Variants in MYOC observed in about 807,000 individuals in gnomAD.
MYOC encodes the protein myocilin.
Under a neutral mutation model 28.2 loss-of-function variants are expected in MYOC, and 29 were observed. That is an observed-to-expected ratio of 1.03 (90% CI 0.77 to 1.40). The LOEUF (loss-of-function observed/expected upper bound fraction) is 1.40. Ranked by LOEUF, MYOC falls within the 40% of genes most tolerant of loss-of-function variation. The pLI is 0.00. For synonymous variants in MYOC, 240 were observed against 245.6 expected (o/e 0.98, Z 0.21); for missense variants, 569 against 620.6 (o/e 0.92, Z 0.88).
At chr1:171,651,205 C>T (rs891760441) in intron 1 of MYOC, among the ~76,000 whole-genome samples, 1 of 152,180 alleles carries the variant, frequency 6.6e-6, no homozygotes, top group Non-Finnish European at 1.5e-5. Flanking sequence ...TGTCCAACAA[C>T]TGGATTTGCT....
At chr1:171,641,820 G>A (rs1401032342) in intron 1 of MYOC, among the ~76,000 whole-genome samples, 1 of 152,092 alleles carries the variant, frequency 6.6e-6, no homozygotes, top group East Asian at 1.9e-4. Context: ...AGGCCGGAGC[G>A]CCTACACAGC....
chr1:171,651,866 G>C, intron 1 of MYOC, 142 bp downstream of exon 1: 1 of 1,214,314 alleles, frequency 8.2e-7, no homozygotes, highest in African/African-American at 1.5e-5. Context: ...TGATCGCTGT[G>C]CTTTCCTTAA....
At chr1:171,650,516 T>C (rs1653329227) in intron 1 of MYOC, among the ~76,000 whole-genome samples, 1 of 152,196 alleles carries the variant, frequency 6.6e-6, no homozygotes, top group Non-Finnish European at 1.5e-5. Context: ...CCACAAAAAT[T>C]ATTCACAGCA....
chr1:171,639,252 G>A (rs139047056), intron 1 of MYOC, among the ~76,000 whole-genome samples: 74 of 152,246 alleles, frequency 4.9e-4, no homozygotes, highest in African/African-American at 1.8e-3. Context: ...GGCTACATTG[G>A]AGTTCATTGT....
intron 2 of MYOC, 51 bp downstream of exon 2, chr1:171,638,546 A>G: frequency 1.9e-6 from 3 of 1,608,478 alleles, no homozygotes; most frequent in Non-Finnish European, 2.6e-6. Flanking sequence ...ACAGCACTAG[A>G]CATGAATAAA....
At chr1:171,637,788 T>G (rs749828630) in intron 2 of MYOC, among the ~76,000 whole-genome samples, 2 of 152,044 alleles carry the variant, frequency 1.3e-5, no homozygotes, top group Non-Finnish European at 2.9e-5. Flanking sequence ...AATTTTTGTA[T>G]TTTTAGTAGA....
intron 1 of MYOC, among the ~76,000 whole-genome samples, chr1:171,650,723 A>T (rs1051531829): frequency 5.3e-5 from 8 of 152,242 alleles, no homozygotes; most frequent in African/African-American, 1.9e-4. Context: ...AGAAAAACTG[A>T]AAGAATAGTA....
chr1:171,652,458 T>A lies in MYOC; in HGVS notation c.154A>T (p.Ser52Cys), dbSNP rs748675180. ...CTGGATTCATTGGGACTGGCCACAC[T>A]GAAGGTATACTGGCATCGGCCACTC... The part of the protein sequence containing the change: ...DQSGRCQYTF[S>C]VASPNESSCP... Residue 52 changes from serine (S) to cysteine (C), a missense_variant, in exon 1 of 3, where the codon AGT becomes TGT. Ser to Cys is a moderately radical substitution (Grantham distance 112). Transcript: ENST00000037502. The A allele has an allele frequency of 4.3e-6, 7 of 1,614,232 alleles. No homozygotes were observed. Among genetic ancestry groups the A allele is most frequent in the South Asian group, 1.1e-5 (1 of 91,084 alleles).
intron 1 of MYOC, among the ~76,000 whole-genome samples, chr1:171,639,946 GAAAAAAA>G (rs1175117891): frequency 3.4e-3 from 161 of 46,972 alleles, no homozygotes; most frequent in African/African-American, 0.012. Context: ...TCTGTCTCAA[GAAAAAAA>G]AAAAAAAAAA....
chr1:171,635,598 A>G lies in MYOC; in HGVS notation c.*327T>C. The G allele has an allele frequency of 2.2e-6, 1 of 453,140 alleles. No individual in the cohort carries two copies. The highest frequency in any genetic ancestry group is 4.1e-6 in the Non-Finnish European group (1 of 246,596). 28.1% of individuals were successfully genotyped at this position (453,140 alleles called of 1,614,324 possible). ...TATTGTGGCTTGTGGTAACCATGTA[A>G]CATGCAAGAGCAATGGTTTTCAGGA... On this transcript the variant is annotated 3_prime_UTR_variant, in exon 3 of 3. Transcript: ENST00000037502.
At chr1:171,642,887 TTAAAAA>T (rs1653111650) in intron 1 of MYOC, among the ~76,000 whole-genome samples, 1 of 126,142 alleles carries the variant, frequency 7.9e-6, no homozygotes, top group Admixed American at 7.9e-5. Flanking sequence ...TAGTCTATGT[TTAAAAA>T]AAAAAAAAAA....
In MYOC at chr1:171,638,663, C is replaced by T. The variant is rs529138303; in HGVS notation, c.664G>A (p.Val222Ile). Residue 222 changes from valine (V) to isoleucine (I), a missense_variant, in exon 2 of 3, where the codon GTT becomes ATT. Coordinates refer to ENST00000037502, the MANE Select transcript of MYOC (RefSeq NM_000261.2). ...FQELKSELTE[V>I]PASRILKESP... is the part of the protein sequence containing the mutation. ...TCCTTCAAAATTCGGGAAGCAGGAA[C>T]TTCAGTTAGCTCGGACTTCAGTTCC... 1.6e-5 allele frequency: 26 copies of T among 1,614,202 alleles called. No homozygotes were observed. In the South Asian group the frequency reaches 1.8e-4, roughly 11 times the overall value.
chr1:171,648,621 A>G (rs1653259994), intron 1 of MYOC, among the ~76,000 whole-genome samples: 2 of 125,840 alleles, frequency 1.6e-5, no homozygotes, highest in South Asian at 4.9e-4. Context: ...AGTAAATTAT[A>G]TATGTATTTT....
chr1:171,648,425 C>A (rs997337548), intron 1 of MYOC, among the ~76,000 whole-genome samples: 2 of 151,926 alleles, frequency 1.3e-5, no homozygotes, highest in African/African-American at 4.8e-5. Flanking sequence ...GGCTTTCCTG[C>A]CTTCCCTGTC....
chr1:171,645,723 A>G (rs916397650), intron 1 of MYOC, among the ~76,000 whole-genome samples: 4 of 152,224 alleles, frequency 2.6e-5, no homozygotes, highest in Non-Finnish European at 5.9e-5. Flanking sequence ...GGCTGAGCTC[A>G]GGTCCCAGTG....
Position 171,652,290 on chromosome 1 carries a change from C to T in MYOC, c.322G>A (p.Ala108Thr). ...CCCTCCTGGGTCTCCTGGGGCCTGG[C>T]AGCCTGGTCCAAGGTCAATTGGTGG... ...LLHQLTLDQA[A>T]RPQETQEGLQ... The change falls in exon 1 of 3, where the codon GCC becomes ACC. Residue 108 changes from alanine (A) to threonine (T), a missense_variant. Physicochemically the swap from Ala to Thr is moderately conservative, Grantham distance 58. Transcript: ENST00000037502. The T allele has an allele frequency of 6.2e-7, 1 of 1,612,680 alleles. No individual in the cohort carries two copies. The highest frequency in any genetic ancestry group is 8.5e-7 in the Non-Finnish European group (1 of 1,179,216).
intron 1 of MYOC, among the ~76,000 whole-genome samples, chr1:171,650,609 G>C (rs779944568): frequency 6.6e-6 from 1 of 152,124 alleles, no homozygotes; most frequent in Non-Finnish European, 1.5e-5. Context: ...CCAGGCTCTG[G>C]CTCTTAGGTT....
At chr1:171,648,670 A>G (rs936892480) in intron 1 of MYOC, among the ~76,000 whole-genome samples, 2 of 147,864 alleles carry the variant, frequency 1.4e-5, no homozygotes, top group African/African-American at 4.9e-5. Context: ...AATTATATAT[A>G]TTTATATGTA....
At chr1:171,644,776 GA>G (rs1653160099) in intron 1 of MYOC, among the ~76,000 whole-genome samples, 1 of 152,172 alleles carries the variant, frequency 6.6e-6, no homozygotes, top group African/African-American at 2.4e-5. Context: ...TGTCTCTTAT[GA>G]GCCAGTACTG....
Sources: allele counts gnomAD v4.1 joint callset (sites outside exome capture counted in the v4.1 genomes callset), GRCh38; gene constraint gnomAD v4.1.1; transcripts MANE v1.5; gene names NCBI Gene and HGNC (gene_info 2026-07-23, HGNC 2026-07-21).